Variants in CEMIP2 observed in about 807,000 individuals in gnomAD.
CEMIP2 encodes the protein cell migration inducing hyaluronidase 2.
A neutral mutation model predicts 146.9 loss-of-function variants in CEMIP2; 79 were observed. The ratio of observed to expected loss-of-function variants is 0.54; its 90% CI spans 0.45 to 0.65. CEMIP2 has a LOEUF of 0.65. Ranked by LOEUF, CEMIP2 falls within the 30% of genes least tolerant of loss-of-function variation. CEMIP2 has a pLI of 0.00. For synonymous variants in CEMIP2, 601 were observed against 606.3 expected (o/e 0.99, Z 0.13); for missense variants, 1,596 against 1,696.2 (o/e 0.94, Z 1.04).
In CEMIP2 at chr9:71,732,457, C is replaced by A; in HGVS notation, c.1457G>T (p.Gly486Val). 6.2e-7 allele frequency: 1 copy of A among 1,613,982 alleles called. No homozygotes were observed. The highest frequency in any genetic ancestry group is 1.1e-5 in the South Asian group (1 of 91,068). Residue 486 changes from glycine (G) to valine (V), a missense_variant, in exon 7 of 24, where the codon GGA becomes GTA. Gly to Val is a moderately radical substitution (Grantham distance 109, BLOSUM62 -3). Transcript: ENST00000377044. Reference sequence around the variant, plus strand: ...GATCACAATATTCCGGGTAAGAATTCCAACCTCAGCTCTCATGTCTACACC... The same window carrying A: ...GATCACAATATTCCGGGTAAGAATTACAACCTCAGCTCTCATGTCTACACC... ...IDGVDMRAEV[G>V]ILTRNIVIQG...
rs1387138520 is a variant in CEMIP2 at position 71,754,865 on chromosome 9, G to A, written c.-12-4480C>T. On this transcript the variant is annotated intron_variant, in intron 1 of 23. Coordinates refer to ENST00000377044, the MANE Select transcript of CEMIP2 (RefSeq NM_013390.3). The stretch of plus-strand genomic sequence containing the variant: ...ATAATAAAGAAGTGACTCAGACTAC[G>A]AAAACATATCTACTTAAAATATACA... Among the ~76,000 whole-genome samples the A allele has an allele frequency of 4.0e-5, 6 of 150,300 alleles. No homozygotes were observed. The East Asian group carries it at 5.9e-4, about 15-fold the overall frequency.
intron 5 of CEMIP2, 118 bp downstream of exon 5, chr9:71,739,945 C>T (rs1823866456): frequency 2.1e-6 from 2 of 947,272 alleles, no homozygotes; most frequent in Non-Finnish European, 3.1e-6. Context: ...TCAACTTCAA[C>T]TAGTTGAGAA....
Position 71,730,216 on chromosome 9 carries a change from C to T in CEMIP2, c.1811G>A (p.Cys604Tyr). The T allele has an allele frequency of 6.2e-7, 1 of 1,614,078 alleles. No homozygotes were observed. Reference protein sequence around the residue: ...DTIGFDTLGHCFFLEDGIEQR... With the variant: ...DTIGFDTLGHYFFLEDGIEQR... Reference sequence around the variant, plus strand: ...TTCAATACCATCTTCCAAAAAGAAACAATGACCTAGTGTGTCAAACCCAAT... The same window carrying T: ...TTCAATACCATCTTCCAAAAAGAAATAATGACCTAGTGTGTCAAACCCAAT... Residue 604 changes from cysteine (C) to tyrosine (Y), a missense_variant, in exon 9 of 24, where the codon TGT becomes TAT. Transcript: ENST00000377044.
At chr9:71,686,648 T>C (rs753307323) in intron 22 of CEMIP2, 1 of 151,996 alleles carries the variant, frequency 6.6e-6, no homozygotes, top group Non-Finnish European at 1.5e-5. Flanking sequence ...GAATAGTCTA[T>C]TGTTGTTGTT....
chr9:71,713,273 G>C (rs1381886561), intron 15 of CEMIP2, among the ~76,000 whole-genome samples: 3 of 152,102 alleles, frequency 2.0e-5, no homozygotes, highest in Non-Finnish European at 2.9e-5. Flanking sequence ...ATATCCGATG[G>C]TTTTAAAAAC....
rs1334820937 is a variant in CEMIP2 at position 71,750,314 on chromosome 9, A to G, written c.60T>C (p.Asn20=). 2 of 1,613,838 alleles carry G rather than the reference A, an allele frequency of 1.2e-6. No homozygotes were observed. The highest frequency in any genetic ancestry group is 2.2e-5 in the South Asian group (2 of 91,066). ...SPAFLQPQNG[N]SRHPSGYVPG... ...GAACATAGCCAGATGGGTGACGACT[A>G]TTTCCATTCTGAGGTTGGAGGAAAG... Residue 20 remains asparagine, a synonymous_variant, in exon 2 of 24, where the codon AAT becomes AAC. Coordinates refer to ENST00000377044, the MANE Select transcript of CEMIP2 (RefSeq NM_013390.3).
At position 71,746,692 on chromosome 9, in the gene CEMIP2, C is replaced by T. The variant is rs193098772; in HGVS notation, c.332-351G>A. On this transcript the variant is annotated intron_variant, in intron 2 of 23. Coordinates refer to ENST00000377044, the MANE Select transcript of CEMIP2 (RefSeq NM_013390.3). ...AAATTATACATTCTCTTGGGATTCA[C>T]ACTAGAAAGCTGTTTTAGAAAAGAA... 1.6e-3 allele frequency among the ~76,000 whole-genome samples: 240 copies of T among 149,536 alleles called. 1 individual carries two copies. Among genetic ancestry groups the T allele is most frequent in the African/African-American group, 5.6e-3 (230 of 40,800 alleles).
In CEMIP2 at chr9:71,716,538, C is replaced by T. The variant is rs1823062105; in HGVS notation, c.2414G>A (p.Gly805Glu). 1 of 1,595,738 alleles carries T rather than the reference C, an allele frequency of 6.3e-7. No individual in the cohort carries two copies. The highest frequency in any genetic ancestry group is 1.1e-5 in the South Asian group (1 of 87,688). ...IVQNSAFADNGIGLTFASDGS... is the reference protein window; with the variant it reads ...IVQNSAFADNEIGLTFASDGS... ...AAACCTGGCAAAGGTCAGTCCTATTCCATTATCTGCAAATCTGTAAAAGAA... is the reference window on the plus strand; with the variant it reads ...AAACCTGGCAAAGGTCAGTCCTATTTCATTATCTGCAAATCTGTAAAAGAA... Residue 805 changes from glycine to glutamate, a missense_variant, in exon 14 of 24, where the codon GGA (glycine) becomes GAA (glutamate). Transcript: ENST00000377044.
chr9:71,714,532 A>T (rs1448866792), intron 15 of CEMIP2, among the ~76,000 whole-genome samples: 2 of 152,086 alleles, frequency 1.3e-5, no homozygotes, highest in African/African-American at 4.8e-5. Flanking sequence ...TCCAGTAGTT[A>T]TTTCTGAAAA....
chr9:71,691,872 G>A (rs1318299204), intron 21 of CEMIP2, among the ~76,000 whole-genome samples: 1 of 152,130 alleles, frequency 6.6e-6, no homozygotes, highest in Non-Finnish European at 1.5e-5. Flanking sequence ...CTGGGAGGCT[G>A]AGGAGGGTGG....
intron 10 of CEMIP2, among the ~76,000 whole-genome samples, chr9:71,728,281 G>GTATATACACA (rs1564012477): frequency 2.2e-4 from 2 of 9,254 alleles, no homozygotes; most frequent in African/African-American, 9.5e-4. Flanking sequence ...ATATATATAT[G>GTATATACACA]TATATATATA....
In CEMIP2 at chr9:71,714,957, C is replaced by T; in HGVS notation, c.2568G>A (p.Lys856=). 1 of 1,613,800 alleles carries T rather than the reference C, an allele frequency of 6.2e-7. No homozygotes were observed. The highest frequency in any genetic ancestry group is 8.5e-7 in the Non-Finnish European group (1 of 1,179,856). ...KYVGTGGIDQ[K]PRTLPRNRTF... is the part of the protein sequence containing the mutation. ...ACCTGTTCCTGGGTAATGTTCGAGGCTTCTGGTCTATTCCTCCAGTGCCTA... is the reference window on the plus strand; with the variant it reads ...ACCTGTTCCTGGGTAATGTTCGAGGTTTCTGGTCTATTCCTCCAGTGCCTA... Residue 856 remains lysine (K), a synonymous_variant, in exon 15 of 24, where the codon AAG becomes AAA. Transcript: ENST00000377044.
At chr9:71,708,492 A>G (rs1822817671) in intron 17 of CEMIP2, among the ~76,000 whole-genome samples, 1 of 152,228 alleles carries the variant, frequency 6.6e-6, no homozygotes, top group South Asian at 2.1e-4. Context: ...CCCATTGTGT[A>G]CCGACATAGA....
At position 71,685,292 on chromosome 9, in the gene CEMIP2, T is replaced by C; in HGVS notation, c.4057A>G (p.Ile1353Val). The C allele has an allele frequency of 6.2e-7, 1 of 1,610,720 alleles. No individual in the cohort carries two copies. Among genetic ancestry groups the C allele is most frequent in the Non-Finnish European group, 8.5e-7 (1 of 1,179,714 alleles). ...GQGLGVLEQF[I>V]PLQLDEYGCP... ...CCATATTCGTCCAGCTGCAAAGGTA[T>C]GAATTGTTCAAGCACCCCAAGGCCC... The change falls in exon 24 of 24, where the codon ATA (isoleucine) becomes GTA (valine). Residue 1353 changes from isoleucine to valine, a missense_variant. Ile to Val is a conservative substitution (Grantham distance 29). Coordinates refer to ENST00000377044, the MANE Select transcript of CEMIP2 (RefSeq NM_013390.3).
chr9:71,729,557 T>G (rs1043846266), intron 10 of CEMIP2, among the ~76,000 whole-genome samples: 2 of 150,996 alleles, frequency 1.3e-5, no homozygotes, highest in African/African-American at 4.9e-5. Flanking sequence ...GGGTGGAGCT[T>G]GCAGTGACCA....
rs530194808 is a variant in CEMIP2, at chr9:71,704,633, T to C, written c.3156A>G (p.Ala1052=). ...CGAGGTATAGAAATGTAGTCCGTGG[T>C]GCCGGCCCATTCCAGTGGATGGTAT... The part of the protein sequence containing the change: ...KGYTIHWNGP[A]PRTTFLYLVN... Residue 1052 remains alanine (A), a synonymous_variant, in exon 18 of 24, where the codon GCA becomes GCG. Transcript: ENST00000377044. 6.2e-7 allele frequency: 1 copy of C among 1,614,166 alleles called. No individual in the cohort carries two copies. Among genetic ancestry groups the C allele is most frequent in the Admixed American group, 1.7e-5 (1 of 60,020 alleles).
intron 16 of CEMIP2, among the ~76,000 whole-genome samples, chr9:71,710,250 GCTT>G (rs1564003201): frequency 1.3e-5 from 2 of 152,194 alleles, no homozygotes; most frequent in East Asian, 1.9e-4. Flanking sequence ...GTCTTTAGCT[GCTT>G]CTTATTAGCA....
Position 71,746,337 on chromosome 9 carries a change from AT to A in CEMIP2, c.335del (p.Asn112IlefsTer32). The A allele has an allele frequency of 6.2e-6, 10 of 1,613,692 alleles. No homozygotes were observed. Among genetic ancestry groups the A allele is most frequent in the Non-Finnish European group, 8.5e-6 (10 of 1,179,780 alleles). ...GISSKYAPDE[N>X]CPDQNPRLRN... ...TGAGACGAGGATTTTGATCTGGGCA[AT>A]TTTCTATAAACACATTGATATTCCA... On this transcript the variant is annotated frameshift_variant, in exon 3 of 24. Transcript: ENST00000377044. LOFTEE classifies it high-confidence loss of function.
intron 17 of CEMIP2, among the ~76,000 whole-genome samples, chr9:71,705,736 A>G (rs2131892719): frequency 6.7e-6 from 1 of 149,852 alleles, no homozygotes; most frequent in Admixed American, 6.7e-5. Context: ...TAATTTAAAC[A>G]TACTTATGTT....
Sources: gnomAD v4.1 joint callset for allele counts (sites outside exome capture counted in the v4.1 genomes callset) on GRCh38, gnomAD v4.1.1 for gene constraint, MANE v1.5 for transcripts, NCBI Gene and HGNC (gene_info 2026-07-23, HGNC 2026-07-21) for gene names.